CSMD1: variants seen among roughly 807,000 people sequenced by gnomAD.
CSMD1 encodes the protein CUB and Sushi multiple domains 1.
A neutral mutation model predicts 417.5 loss-of-function variants in CSMD1; 213 were observed. That is an observed-to-expected ratio of 0.51 (90% confidence interval 0.46 to 0.57). The LOEUF (loss-of-function observed/expected upper bound fraction) is 0.57. Ranked by LOEUF, CSMD1 falls within the 20% of genes least tolerant of loss-of-function variation. CSMD1 has a pLI of 0.00. For missense variants in CSMD1, 6,923 were observed against 4,529.7 expected (o/e 1.53, Z -15.17); for synonymous variants, 2,862 against 1,736.8 (o/e 1.65, Z -16.11).
At chr8:4,439,282 G>A (rs775015733) in intron 2 of CSMD1, among the ~76,000 whole-genome samples, 14 of 152,086 alleles carry the variant, frequency 9.2e-5, no homozygotes, top group Non-Finnish European at 1.5e-4. Context: ...AATTGAAAAT[G>A]ACCTTTCACT....
At chr8:3,369,714 C>A (rs1262090792) in intron 18 of CSMD1, among the ~76,000 whole-genome samples, 2 of 152,170 alleles carry the variant, frequency 1.3e-5, no homozygotes, top group African/African-American at 4.8e-5. Context: ...GAGTTCAAAT[C>A]CCCTCAACAA....
chr8:3,796,816 C>G (rs1585014126), intron 5 of CSMD1, among the ~76,000 whole-genome samples: 1 of 151,258 alleles, frequency 6.6e-6, no homozygotes, highest in South Asian at 2.1e-4. Context: ...ATGGTATCAA[C>G]ATAAGAGATA....
At chr8:4,508,287 A>C (rs887731024) in intron 2 of CSMD1, among the ~76,000 whole-genome samples, 5 of 151,744 alleles carry the variant, frequency 3.3e-5, no homozygotes, top group Non-Finnish European at 7.4e-5. Flanking sequence ...GATGCATTGG[A>C]GTGATATAAA....
At chr8:3,424,744 A>C (rs1344698502) in intron 12 of CSMD1, among the ~76,000 whole-genome samples, 6 of 152,236 alleles carry the variant, frequency 3.9e-5, no homozygotes, top group African/African-American at 1.2e-4. Context: ...TCAACTGTCA[A>C]GGAACCACAG....
intron 1 of CSMD1, among the ~76,000 whole-genome samples, chr8:4,758,595 A>G (rs1017563546): frequency 1.3e-5 from 2 of 152,192 alleles, no homozygotes; most frequent in Admixed American, 6.5e-5. Context: ...TTGGCAATTT[A>G]TAAACAAAAG....
At chr8:4,448,278 T>C (rs775830278) in intron 2 of CSMD1, among the ~76,000 whole-genome samples, 6 of 152,142 alleles carry the variant, frequency 3.9e-5, no homozygotes, top group Non-Finnish European at 8.8e-5. Context: ...CCAAATATAG[T>C]TATAACACAA....
chr8:3,317,084 G>A (rs551382446), intron 23 of CSMD1, among the ~76,000 whole-genome samples: 1 of 152,044 alleles, frequency 6.6e-6, no homozygotes, highest in Non-Finnish European at 1.5e-5. Flanking sequence ...TGATAGATGG[G>A]GTCTGTGATG....
intron 1 of CSMD1, among the ~76,000 whole-genome samples, chr8:4,929,658 T>C (rs780084519): frequency 3.3e-5 from 5 of 152,180 alleles, no homozygotes; most frequent in Non-Finnish European, 7.4e-5. Flanking sequence ...TGACACATCA[T>C]TCTACACATC....
intron 7 of CSMD1, among the ~76,000 whole-genome samples, chr8:3,622,973 G>A (rs1185734973): frequency 6.6e-6 from 1 of 152,128 alleles, no homozygotes; most frequent in South Asian, 2.1e-4. Flanking sequence ...TATCTTTTCA[G>A]ATCTCATAGA....
chr8:4,571,048 G>T (rs573812764), intron 2 of CSMD1, among the ~76,000 whole-genome samples: 1 of 151,676 alleles, frequency 6.6e-6, no homozygotes, highest in South Asian at 2.1e-4. Flanking sequence ...TTCTTTATTA[G>T]TCTGGCTAGC....
chr8:3,007,093 C>T (rs1196087435), intron 52 of CSMD1, among the ~76,000 whole-genome samples: 2 of 147,458 alleles, frequency 1.4e-5, no homozygotes, highest in Non-Finnish European at 3.0e-5. Flanking sequence ...AACAAACAAC[C>T]CCATCAAAAA....
intron 3 of CSMD1, among the ~76,000 whole-genome samples, chr8:4,132,807 G>C (rs1198459324): frequency 6.6e-6 from 1 of 152,270 alleles, no homozygotes; most frequent in East Asian, 1.9e-4. Context: ...ATGTAAAGAA[G>C]AATTGATATA....
intron 41 of CSMD1, among the ~76,000 whole-genome samples, chr8:3,140,359 C>CTG (rs1818365039): frequency 6.6e-6 from 1 of 152,002 alleles, no homozygotes. Context: ...GTCTCTCTCT[C>CTG]TCTGTTTTTC....
chr8:3,389,550 TC>T (rs1332476552), intron 17 of CSMD1, among the ~76,000 whole-genome samples: 3 of 152,190 alleles, frequency 2.0e-5, no homozygotes, highest in Non-Finnish European at 4.4e-5. Flanking sequence ...CAAAAAGGTT[TC>T]TGTGGTCACT....
intron 26 of CSMD1, among the ~76,000 whole-genome samples, chr8:3,250,628 C>G (rs867610093): frequency 6.6e-6 from 1 of 152,200 alleles, no homozygotes; most frequent in Non-Finnish European, 1.5e-5. Context: ...CCTGAGGAAT[C>G]GCCACACTGT....
chr8:4,937,630 G>T (rs74512994), intron 1 of CSMD1, among the ~76,000 whole-genome samples: 1 of 152,170 alleles, frequency 6.6e-6, no homozygotes, highest in Admixed American at 6.5e-5. Context: ...GTATCTGACG[G>T]AGGCATCAAA....
Position 3,155,359 on chromosome 8 carries a change from A to AT in CSMD1, c.5914+2537dup, listed in dbSNP as rs556304192. On this transcript the variant is annotated intron_variant, in intron 39 of 69. Transcript: ENST00000635120. ...TTTTTCCTTCCAAATCAAGGCTGGG[A>AT]TTTTTTTTTTTTTTTTTTTTTTTTT... 4.8e-3 allele frequency among the ~76,000 whole-genome samples: 207 copies of AT among 43,310 alleles called. 47 individuals are homozygous for AT. Among genetic ancestry groups the AT allele is most frequent in the Middle Eastern group, 0.026 (1 of 38 alleles). 28.4% of individuals were successfully genotyped at this position (43,310 alleles called of 152,430 possible).
At chr8:3,004,941 C>G (rs557297250) in intron 52 of CSMD1, among the ~76,000 whole-genome samples, 1 of 152,268 alleles carries the variant, frequency 6.6e-6, no homozygotes, top group African/African-American at 2.4e-5. Context: ...GAGTTCGAGA[C>G]CAGCCTGGCC....
At chr8:4,712,846 C>T (rs1021614369) in intron 1 of CSMD1, among the ~76,000 whole-genome samples, 8 of 152,230 alleles carry the variant, frequency 5.3e-5, no homozygotes, top group African/African-American at 1.9e-4. Flanking sequence ...TCAGAGAGGT[C>T]TAATCTGGAT....
Sources: gnomAD v4.1 joint callset for allele counts (sites outside exome capture counted in the v4.1 genomes callset) on GRCh38, gnomAD v4.1.1 for gene constraint, MANE v1.5 for transcripts, NCBI Gene and HGNC (gene_info 2026-07-23, HGNC 2026-07-21) for gene names.